LY86: variants seen among roughly 807,000 people sequenced by gnomAD.
LY86 encodes the protein MD-1, RP105-associated.
Under a neutral mutation model 17.3 loss-of-function variants are expected in LY86, and 20 were observed. The observed-to-expected ratio is 1.15, with a 90% CI of 0.81 to 1.68. LY86 has a LOEUF of 1.68. Ranked by LOEUF, LY86 falls within the 40% of genes most tolerant of loss-of-function variation. The pLI, the probability that LY86 is intolerant of heterozygous loss-of-function variation, is 0.00. For synonymous variants in LY86, 74 were observed against 70.6 expected (o/e 1.05, Z -0.24); for missense variants, 200 against 191.9 (o/e 1.04, Z -0.25).
At chr6:6,652,884 T>C (rs949871930) in intron 4 of LY86, among the ~76,000 whole-genome samples, 3 of 152,202 alleles carry the variant, frequency 2.0e-5, no homozygotes, top group Non-Finnish European at 4.4e-5. Context: ...AATGTAGTAA[T>C]GAAAAATTCT....
intron 1 of LY86, among the ~76,000 whole-genome samples, chr6:6,604,742 C>T (rs575868731): frequency 6.6e-6 from 1 of 151,960 alleles, no homozygotes. Flanking sequence ...ACCAGGCTAC[C>T]CACAACATAG....
chr6:6,612,091 A>G (rs1263890525), intron 1 of LY86, among the ~76,000 whole-genome samples: 1 of 152,246 alleles, frequency 6.6e-6, no homozygotes, highest in East Asian at 1.9e-4. Flanking sequence ...ATTTGAGAAG[A>G]TCCAAAAGCA....
intron 1 of LY86, among the ~76,000 whole-genome samples, chr6:6,606,378 C>G (rs1000456600): frequency 6.6e-6 from 1 of 152,156 alleles, no homozygotes; most frequent in African/African-American, 2.4e-5. Flanking sequence ...TCTCCAAGTC[C>G]CCCCCAGACT....
At chr6:6,620,143 T>TAC (rs142167599) in intron 1 of LY86, among the ~76,000 whole-genome samples, 2,290 of 151,782 alleles carry the variant, frequency 0.015, 56 homozygotes, top group African/African-American at 0.052. Context: ...CATGCGCTTG[T>TAC]ACACACACAC....
At chr6:6,620,123 C>A (rs916043484) in intron 1 of LY86, among the ~76,000 whole-genome samples, 2 of 151,984 alleles carry the variant, frequency 1.3e-5, no homozygotes, top group Non-Finnish European at 2.9e-5. Context: ...ATGTAAAAAA[C>A]AGGCACATAC....
intron 3 of LY86, among the ~76,000 whole-genome samples, chr6:6,639,651 C>T (rs1762010790): frequency 6.6e-6 from 1 of 152,178 alleles, no homozygotes; most frequent in Non-Finnish European, 1.5e-5. Context: ...TTCTGATCTC[C>T]TACCTCCCTC....
At chr6:6,596,171 G>A (rs778861256) in intron 1 of LY86, among the ~76,000 whole-genome samples, 5 of 152,142 alleles carry the variant, frequency 3.3e-5, no homozygotes, top group African/African-American at 4.8e-5. Flanking sequence ...GTGGCCAAAC[G>A]GGACAATTAA....
intron 1 of LY86, among the ~76,000 whole-genome samples, chr6:6,593,970 G>C (rs182847474): frequency 1.3e-5 from 2 of 152,362 alleles, no homozygotes; most frequent in African/African-American, 4.8e-5. Flanking sequence ...GTACAGGAAT[G>C]GATAAGCTGC....
chr6:6,649,499 CTA>C, intron 3 of LY86, 124 bp from the exon 4 acceptor site: 1 of 453,294 alleles, frequency 2.2e-6, no homozygotes, highest in South Asian at 4.7e-5. Context: ...GAAAACATTT[CTA>C]GCAATAGCTG....
chr6:6,594,281 T>C (rs1023778600), intron 1 of LY86, among the ~76,000 whole-genome samples: 1 of 152,234 alleles, frequency 6.6e-6, no homozygotes, highest in Non-Finnish European at 1.5e-5. Flanking sequence ...GGTGCCTGTT[T>C]GCATATGGCC....
At chr6:6,650,716 T>C (rs1561794139) in intron 4 of LY86, among the ~76,000 whole-genome samples, 1 of 152,224 alleles carries the variant, frequency 6.6e-6, no homozygotes. Context: ...GTTATGTGTA[T>C]GTAATATGTA....
At chr6:6,641,350 T>C (rs1762036832) in intron 3 of LY86, among the ~76,000 whole-genome samples, 1 of 152,206 alleles carries the variant, frequency 6.6e-6, no homozygotes, top group Non-Finnish European at 1.5e-5. Context: ...ACAGTAACTC[T>C]CCATCCAACT....
In LY86 at chr6:6,612,395, A is replaced by G. The variant is rs143052523; in HGVS notation, c.137-12531A>G. Among the ~76,000 whole-genome samples, 488 of 152,298 alleles carry G rather than the reference A, an allele frequency of 3.2e-3. 3 individuals carry two copies. Among genetic ancestry groups the G allele is most frequent in the African/African-American group, 0.011 (466 of 41,540 alleles). ...GAGTGTTAATCATTTATTTTCCCCC[A>G]GTGGGTACCTAGTCTCACTGGCCTC... On this transcript the variant is annotated intron_variant, in intron 1 of 4. Coordinates refer to ENST00000230568, the MANE Select transcript of LY86 (RefSeq NM_004271.4).
intron 3 of LY86, among the ~76,000 whole-genome samples, chr6:6,636,415 T>G (rs73718617): frequency 8.5e-5 from 13 of 152,272 alleles, no homozygotes; most frequent in Non-Finnish European, 1.8e-4. Flanking sequence ...ATTCAATAAG[T>G]GATCCATGGC....
intron 1 of LY86, among the ~76,000 whole-genome samples, chr6:6,605,707 G>A (rs189947459): frequency 7.8e-4 from 118 of 152,106 alleles, no homozygotes; most frequent in African/African-American, 2.3e-3. Context: ...ATGAAGCCGC[G>A]GAACCTCGCG....
intron 3 of LY86, among the ~76,000 whole-genome samples, chr6:6,641,342 A>G (rs921569916): frequency 6.6e-6 from 1 of 152,218 alleles, no homozygotes; most frequent in African/African-American, 2.4e-5. Flanking sequence ...ATTCAGGGAC[A>G]GTAACTCTCC....
chr6:6,608,626 T>C (rs1761255954), intron 1 of LY86, among the ~76,000 whole-genome samples: 1 of 152,242 alleles, frequency 6.6e-6, no homozygotes, highest in Non-Finnish European at 1.5e-5. Context: ...TTTTGTCCAG[T>C]AATGTTTCCA....
At chr6:6,617,783 A>G (rs1480918723) in intron 1 of LY86, among the ~76,000 whole-genome samples, 1 of 152,154 alleles carries the variant, frequency 6.6e-6, no homozygotes, top group Non-Finnish European at 1.5e-5. Flanking sequence ...TCTTGGTAAC[A>G]CACAATAAAA....
chr6:6,624,930 A>C lies in LY86; in HGVS notation c.141A>C (p.Pro47=). The C allele has an allele frequency of 1.3e-6, 2 of 1,512,816 alleles. No homozygotes were observed. The highest frequency in any genetic ancestry group is 1.8e-6 in the Non-Finnish European group (2 of 1,097,094). The allele number at this position is 1,512,816 out of a possible 1,614,324, so 93.7% of individuals were successfully genotyped here. Residue 47 remains proline, a synonymous_variant, in exon 2 of 5, where the codon CCA becomes CCC. Transcript: ENST00000230568. ...GLEVLYQSCD[P]LQDFGFSVEK... is the part of the protein sequence containing the mutation. ...CTATTGTTTTCTTCTTCGTAGATCC[A>C]TTACAAGATTTTGGCTTTTCTGTTG...
Sources: gnomAD v4.1 joint callset for allele counts (sites outside exome capture counted in the v4.1 genomes callset) on GRCh38, gnomAD v4.1.1 for gene constraint, MANE v1.5 for transcripts, NCBI Gene and HGNC (gene_info 2026-07-23, HGNC 2026-07-21) for gene names.